Variants in MGAT4C observed in about 807,000 individuals in gnomAD.
MGAT4C encodes the protein alpha-1,3-mannosyl-glycoprotein 4-beta-N-acetylglucosaminyltransferase C.
MGAT4C carries 19 observed loss-of-function variants against 40.1 expected under a neutral mutation model. That is an observed-to-expected ratio of 0.47 (90% CI 0.33 to 0.70). The LOEUF is 0.70. Ranked by LOEUF, MGAT4C falls within the 30% of genes least tolerant of loss-of-function variation. The probability of loss-of-function intolerance (pLI) is 0.02; values close to 1 mark genes in which losing one functional copy is unlikely to be tolerated. For missense variants in MGAT4C, 491 were observed against 563.2 expected, an observed-to-expected ratio of 0.87 and a Z score of 1.30; for synonymous variants, 181 against 187.1, an observed-to-expected ratio of 0.97 and a Z score of 0.27.
At chr12:86,191,788 G>GTGTGTGTGTGTGTGTGTGT (rs10526767) in intron 1 of MGAT4C, among the ~76,000 whole-genome samples, 6 of 132,454 alleles carry the variant, frequency 4.5e-5, no homozygotes, top group South Asian at 5.3e-4. Context: ...GTGTGTGTGT[G>GTGTGTGTGTGTGTGTGTGT]GTGTTTTCAG....
At chr12:86,231,594 A>G (rs1773118271) in intron 1 of MGAT4C, among the ~76,000 whole-genome samples, 1 of 152,186 alleles carries the variant, frequency 6.6e-6, no homozygotes, top group Non-Finnish European at 1.5e-5. Context: ...GAACCTCAGA[A>G]CCTATGTATT....
intron 2 of MGAT4C, among the ~76,000 whole-genome samples, chr12:86,686,040 AT>A (rs60459725): frequency 0.82 from 121,716 of 147,864 alleles, 50,700 homozygotes; most frequent in Middle Eastern, 0.9. Context: ...TTTTATTTTA[AT>A]TTTTTTTTTT....
intron 2 of MGAT4C, among the ~76,000 whole-genome samples, chr12:86,635,909 T>C (rs1963205996): frequency 1.3e-5 from 2 of 151,902 alleles, no homozygotes; most frequent in South Asian, 4.2e-4. Context: ...CTTGAACTCC[T>C]GGGCTCAAGA....
intron 4 of MGAT4C, among the ~76,000 whole-genome samples, chr12:86,312,368 T>C (rs1954101189): frequency 6.6e-6 from 1 of 152,214 alleles, no homozygotes; most frequent in Non-Finnish European, 1.5e-5. Flanking sequence ...GCCAGCATAA[T>C]AGCTATCACT....
At chr12:86,186,687 C>T (rs997181647) in intron 1 of MGAT4C, among the ~76,000 whole-genome samples, 2 of 152,082 alleles carry the variant, frequency 1.3e-5, no homozygotes, top group Admixed American at 6.6e-5. Context: ...TAGGTCTTGC[C>T]TAAAACCATA....
intron 2 of MGAT4C, among the ~76,000 whole-genome samples, chr12:86,010,808 T>C (rs1006322316): frequency 1.3e-5 from 2 of 152,182 alleles, no homozygotes; most frequent in African/African-American, 4.8e-5. Flanking sequence ...CCCTTGTGAA[T>C]GGATTAATCC....
chr12:86,122,048 A>G (rs928962543), intron 1 of MGAT4C, among the ~76,000 whole-genome samples: 2 of 152,202 alleles, frequency 1.3e-5, no homozygotes, highest in Non-Finnish European at 2.9e-5. Context: ...AGAAATAACT[A>G]AAAATTTGAA....
intron 3 of MGAT4C, among the ~76,000 whole-genome samples, chr12:86,416,251 A>C: frequency 6.6e-6 from 1 of 152,054 alleles, no homozygotes; most frequent in East Asian, 1.9e-4. Context: ...AGATGGAAAA[A>C]ATGTGATAAG....
chr12:86,222,230 A>G (rs564885992), intron 1 of MGAT4C, among the ~76,000 whole-genome samples: 2 of 152,340 alleles, frequency 1.3e-5, no homozygotes, highest in Admixed American at 6.5e-5. Flanking sequence ...CAGATCACAA[A>G]GAATTGAAAG....
At chr12:86,809,675 C>T (rs1018797233) in intron 1 of MGAT4C, among the ~76,000 whole-genome samples, 2 of 151,148 alleles carry the variant, frequency 1.3e-5, no homozygotes, top group Non-Finnish European at 3.0e-5. Flanking sequence ...TTTTTATATC[C>T]TCTTCATAAT....
At chr12:86,001,542 G>T in intron 2 of MGAT4C, 1 of 715,822 alleles carries the variant, frequency 1.4e-6, no homozygotes, top group Non-Finnish European at 1.7e-6. Flanking sequence ...ATGAGCCATT[G>T]GTGATTTCGA....
chr12:86,319,411 T>C (rs1023632477), intron 4 of MGAT4C, among the ~76,000 whole-genome samples: 1 of 152,128 alleles, frequency 6.6e-6, no homozygotes, highest in African/African-American at 2.4e-5. Flanking sequence ...CATTTCCACG[T>C]AGTCCATCAA....
intron 2 of MGAT4C, among the ~76,000 whole-genome samples, chr12:86,556,061 T>A (rs1489688049): frequency 1.3e-5 from 2 of 152,256 alleles, no homozygotes; most frequent in African/African-American, 4.8e-5. Flanking sequence ...TTCTTTTTGT[T>A]ACATATAAAG....
chr12:86,766,921 GAT>G (rs1951520905), intron 1 of MGAT4C, among the ~76,000 whole-genome samples: 1 of 152,016 alleles, frequency 6.6e-6, no homozygotes, highest in African/African-American at 2.4e-5. Context: ...AAGCAGGAAA[GAT>G]AGAAAATTGA....
At position 86,330,790 on chromosome 12, in the gene MGAT4C, T is replaced by C. The variant is rs1247802479; in HGVS notation, c.-57+3275A>G. On this transcript the variant is annotated intron_variant, in intron 4 of 7. Coordinates refer to the MGAT4C transcript ENST00000548651. ...GTGGGAGAGATACACAAATAAACAA[T>C]AAACAATTATACTTATTATGGCAAG... is the stretch of plus-strand genomic sequence containing the variant. Among the ~76,000 whole-genome samples, 3 of 152,166 alleles carry C rather than the reference T, an allele frequency of 2.0e-5. No individual in the cohort carries two copies. In the South Asian group the frequency reaches 6.2e-4, roughly 31 times the overall value.
At chr12:86,556,222 T>C (rs1006284965) in intron 2 of MGAT4C, among the ~76,000 whole-genome samples, 2 of 152,172 alleles carry the variant, frequency 1.3e-5, no homozygotes, top group African/African-American at 4.8e-5. Context: ...GGGGTAAATA[T>C]AAGTAATGTA....
intron 2 of MGAT4C, among the ~76,000 whole-genome samples, chr12:86,617,575 C>G (rs753497074): frequency 6.6e-6 from 1 of 152,088 alleles, no homozygotes; most frequent in African/African-American, 2.4e-5. Flanking sequence ...GTAGTCCCAG[C>G]TATGCTGGAG....
chr12:86,480,953 A>T (rs1030217424), intron 2 of MGAT4C, among the ~76,000 whole-genome samples: 1 of 151,854 alleles, frequency 6.6e-6, no homozygotes, highest in Non-Finnish European at 1.5e-5. Flanking sequence ...AGTCACTTTG[A>T]AGTAAAACTA....
rs569878244 is a variant in MGAT4C, at chr12:85,963,455, C to T, written c.*15834G>A. On this transcript the variant is annotated 3_prime_UTR_variant, in exon 5 of 5. Transcript: ENST00000611864. ...AGGAACACACACACATACACACAGA[C>T]ACACACAGAGTTTGCTTATAAGCTC... 6.6e-6 allele frequency: 1 copy of T among 151,916 alleles called. No homozygotes were observed. Among genetic ancestry groups the T allele is most frequent in the East Asian group, 1.9e-4 (1 of 5,180 alleles). The allele number at this position is 151,916 out of a possible 1,614,324, so 9.4% of individuals were successfully genotyped here.
Sources: allele counts gnomAD v4.1 joint callset (sites outside exome capture counted in the v4.1 genomes callset), GRCh38; gene constraint gnomAD v4.1.1; transcripts MANE v1.5; gene names NCBI Gene and HGNC (gene_info 2026-07-23, HGNC 2026-07-21).